Variants in PRPF8 observed in about 807,000 individuals in gnomAD.
PRPF8 encodes pre-mRNA processing factor 8, also known as pre-mRNA-processing-splicing factor 8.
Under a neutral mutation model 285.9 loss-of-function variants are expected in PRPF8, and 64 were observed. The ratio of observed to expected loss-of-function variants is 0.22; its 90% CI spans 0.18 to 0.28. PRPF8 has a LOEUF of 0.28. Ranked by LOEUF, PRPF8 falls within the 10% of genes least tolerant of loss-of-function variation. The pLI is 1.00. For synonymous variants in PRPF8, 1,325 were observed against 1,118.2 expected (o/e 1.18, Z -3.69); for missense variants, 1,426 against 3,026.7 (o/e 0.47, Z 12.41).
In PRPF8 at chr17:1,676,819, G is replaced by C. The variant is rs904610129; in HGVS notation, c.2182-108C>G. On this transcript the variant is annotated intron_variant, in intron 15 of 42. Coordinates refer to ENST00000304992, the MANE Select transcript of PRPF8 (RefSeq NM_006445.4). The surrounding 1 kb of genome is among the most constrained non-coding windows in gnomAD (Gnocchi z 6.3). ...TAAGGAGGATCGCTTGAGCTCAGGA[G>C]CTTGAGGCCAGCCTAAGCAACATGG... 1.3e-6 allele frequency: 2 copies of C among 1,482,446 alleles called. No homozygotes were observed. The highest frequency in any genetic ancestry group is 1.9e-6 in the Non-Finnish European group (2 of 1,070,332). The allele number at this position is 1,482,446 out of a possible 1,614,324, so 91.8% of individuals were successfully genotyped here. A position where few individuals can be genotyped will look rare whatever the true frequency, so the allele number is the denominator to read the frequency against.
rs1030804537 is a variant in PRPF8 at position 1,675,493 on chromosome 17, C to T, written c.2872+127G>A. ...CTATGGGCTTTTCCTCAGTTTAACA[C>T]GAACACTACTTCCCTTTACTACCAC... On this transcript the variant is annotated intron_variant, in intron 19 of 42. Transcript: ENST00000304992. The surrounding 1 kb of genome is among the most constrained non-coding windows in gnomAD (Gnocchi z 6.0). 11 of 1,453,604 alleles carry T rather than the reference C, an allele frequency of 7.6e-6. No individual in the cohort carries two copies. The highest frequency in any genetic ancestry group is 4.2e-5 in the African/African-American group (3 of 71,360). The allele number at this position is 1,453,604 out of a possible 1,614,324, so 90.0% of individuals were successfully genotyped here. A position where few individuals can be genotyped will look rare whatever the true frequency, so the allele number is the denominator to read the frequency against.
rs779292402 is a variant in PRPF8, at chr17:1,651,588, T to C, written c.6511-35A>G. Reference sequence around the variant, plus strand: ...AAGAGGAGTACAGAGCTGAATCCCATCCACAGACAGGAATCGCACCAGCTT... The same window carrying C: ...AAGAGGAGTACAGAGCTGAATCCCACCCACAGACAGGAATCGCACCAGCTT... On this transcript the variant is annotated intron_variant, in intron 40 of 42. Coordinates refer to ENST00000304992, the MANE Select transcript of PRPF8 (RefSeq NM_006445.4). The surrounding 1 kb of genome is among the most constrained non-coding windows in gnomAD (Gnocchi z 5.1). 21 of 1,614,050 alleles carry C rather than the reference T, an allele frequency of 1.3e-5. No homozygotes were observed. The South Asian group carries it at 2.3e-4, about 18-fold the overall frequency.
At position 1,650,848 on chromosome 17, in the gene PRPF8, T is replaced by A. The variant is rs774814867; in HGVS notation, c.6962A>T (p.Gln2321Leu). 5 of 1,614,182 alleles carry A rather than the reference T, an allele frequency of 3.1e-6. No individual in the cohort carries two copies. The South Asian group carries it at 3.3e-5, about 11-fold the overall frequency. Residue 2321 changes from glutamine to leucine, a missense_variant, in exon 43 of 43, where the codon CAG becomes CTG. Gln to Leu is a moderately radical substitution (Grantham distance 113, BLOSUM62 -2). Around this residue, in one of 34 missense-constraint regions of PRPF8, gnomAD observed 59 missense variants for 58.6 expected, o/e 1.01. Transcript: ENST00000304992. ...ATCCGCAGAGTAAACCTCCCCCTCC[T>A]GCAGGAGAGCAAAGTTGAGGAAGTG... ...PSHFLNFALL[Q>L]EGEVYSADRE... is the part of the protein sequence containing the mutation.
chr17:1,658,118 C>G lies in PRPF8; in HGVS notation c.5505+135G>C, dbSNP rs1911493516. Reference sequence around the variant, plus strand: ...CTTGGACCTCCCACAGAATACTTCCCAAGGTATTTTGGGGATAAGTTCAAA... The same window carrying G: ...CTTGGACCTCCCACAGAATACTTCCGAAGGTATTTTGGGGATAAGTTCAAA... On this transcript the variant is annotated intron_variant, in intron 34 of 42. Coordinates refer to ENST00000304992, the MANE Select transcript of PRPF8 (RefSeq NM_006445.4). This position sits in a 1 kb window ranked among gnomAD's most constrained non-coding sequence, Gnocchi z 4.1. 9 of 1,339,034 alleles carry G rather than the reference C, an allele frequency of 6.7e-6. No individual in the cohort carries two copies. Among genetic ancestry groups the G allele is most frequent in the Admixed American group, 2.0e-5 (1 of 51,094 alleles). 82.9% of individuals were successfully genotyped at this position (1,339,034 alleles called of 1,614,324 possible).
intron 24 of PRPF8, among the ~76,000 whole-genome samples, chr17:1,666,508 G>A (rs1400237793): frequency 4.7e-5 from 7 of 148,032 alleles, no homozygotes; most frequent in South Asian, 2.1e-4. Context: ...CTGAGACTGC[G>A]ACACTGCACA....
At position 1,681,665 on chromosome 17, in the gene PRPF8, G is replaced by C; in HGVS notation, c.679C>G (p.Arg227Gly). ...ATCATAGGTAGTGTGAACTGCCAGCGCTGGTAAGTGGAGCCATTTACATAC... is the reference window on the plus strand; with the variant it reads ...ATCATAGGTAGTGTGAACTGCCAGCCCTGGTAAGTGGAGCCATTTACATAC... ...RKYVNGSTYQ[R>G]WQFTLPMMST... Residue 227 changes from arginine to glycine, a missense_variant, in exon 6 of 43, where the codon CGC (arginine) becomes GGC (glycine). By Grantham distance (125) the Arg-to-Gly change is moderately radical (BLOSUM62 -2). Transcript: ENST00000304992. The C allele has an allele frequency of 6.2e-7, 1 of 1,614,102 alleles. No individual in the cohort carries two copies. The highest frequency in any genetic ancestry group is 1.1e-5 in the South Asian group (1 of 91,086).
intron 13 of PRPF8, 124 bp from the exon 14 acceptor site, chr17:1,677,818 G>A (rs890815831): frequency 1.6e-5 from 21 of 1,299,034 alleles, no homozygotes; most frequent in African/African-American, 6.0e-5. Context: ...TATGGCAGTA[G>A]AGGGGTAAAA....
rs1410577866 is a variant in PRPF8 at position 1,682,109 on chromosome 17, C to CAT, written c.434+18_434+19dup. The CAT allele has an allele frequency of 6.2e-7, 1 of 1,613,726 alleles. No homozygotes were observed. Among genetic ancestry groups the CAT allele is most frequent in the African/African-American group, 1.3e-5 (1 of 74,900 alleles). On this transcript the variant is annotated intron_variant, in intron 4 of 42. Coordinates refer to ENST00000304992, the MANE Select transcript of PRPF8 (RefSeq NM_006445.4). ...AACCACCACCACCACCACCACCCAC[C>CAT]ATATTTCAGCCTTTCTCACCCCCAC...
chr17:1,655,624 A>T, intron 36 of PRPF8, 81 bp from the exon 37 acceptor site: 1 of 1,344,134 alleles, frequency 7.4e-7, no homozygotes, highest in Non-Finnish European at 1.1e-6. Flanking sequence ...ATGAAACCCA[A>T]GAATTTTTTT....
At chr17:1,683,081 C>T (rs576333877) in intron 3 of PRPF8, 2 of 196,122 alleles carry the variant, frequency 1.0e-5, no homozygotes, top group African/African-American at 2.4e-5. Flanking sequence ...CTACAAGTTC[C>T]GCCTCCCAGG....
In PRPF8 at chr17:1,675,982, G is replaced by A. The variant is rs775431855; in HGVS notation, c.2625C>T (p.His875=). The A allele has an allele frequency of 8.7e-6, 14 of 1,613,894 alleles. No homozygotes were observed. Among genetic ancestry groups the A allele is most frequent in the East Asian group, 2.2e-5 (1 of 44,884 alleles). The change falls in exon 18 of 43, where the codon CAC becomes CAT. Residue 875 remains histidine, a synonymous_variant. Coordinates refer to ENST00000304992, the MANE Select transcript of PRPF8 (RefSeq NM_006445.4). This position sits in a 1 kb window ranked among gnomAD's most constrained non-coding sequence, Gnocchi z 6.0. ...GACGCTTGATGCGGGACAGCGCCTC[G>A]TGGGGGTTATCGTAGGCCTGCTCGA... is the stretch of plus-strand genomic sequence containing the variant. ...GLIEQAYDNP[H]EALSRIKRHL... is the part of the protein sequence containing the mutation.
intron 24 of PRPF8, chr17:1,672,865 A>G (rs1270717085): frequency 1.6e-6 from 1 of 612,392 alleles, no homozygotes; most frequent in African/African-American, 1.8e-5. Flanking sequence ...TCACAAGTCC[A>G]CAAGAAGGAG....
chr17:1,652,441 G>A (rs1396385316), intron 39 of PRPF8, among the ~76,000 whole-genome samples: 3 of 152,150 alleles, frequency 2.0e-5, no homozygotes, highest in Non-Finnish European at 4.4e-5. Flanking sequence ...GTTTCGCCAC[G>A]TTGGCCAAGC....
In PRPF8 at chr17:1,660,513, C is replaced by T. The variant is rs759124996; in HGVS notation, c.4704G>A (p.Thr1568=). 1.2e-5 allele frequency: 20 copies of T among 1,614,074 alleles called. No homozygotes were observed. Among genetic ancestry groups the T allele is most frequent in the South Asian group, 9.9e-5 (9 of 91,088 alleles). Reference sequence around the variant, plus strand: ...AGATCTGGATGAGAGAGATCTTCAGCGTGGGGATCTTGCCGTGCATGAAGA... The same window carrying T: ...AGATCTGGATGAGAGAGATCTTCAGTGTGGGGATCTTGCCGTGCATGAAGA... ...TGIFMHGKIP[T]LKISLIQIFR... The change falls in exon 30 of 43, where the codon ACG becomes ACA. Residue 1568 remains threonine, a synonymous_variant. Coordinates refer to ENST00000304992, the MANE Select transcript of PRPF8 (RefSeq NM_006445.4).
chr17:1,670,567 A>G (rs1167468560), intron 24 of PRPF8, among the ~76,000 whole-genome samples: 1 of 151,198 alleles, frequency 6.6e-6, no homozygotes, highest in African/African-American at 2.4e-5. Context: ...GCTCACTGCA[A>G]CCTCCGCCTC....
chr17:1,651,536 A>G lies in PRPF8; in HGVS notation c.6528T>C (p.Gly2176=). The change falls in exon 41 of 43, where the codon GGT becomes GGC. Residue 2176 remains glycine, a synonymous_variant. Coordinates refer to ENST00000304992, the MANE Select transcript of PRPF8 (RefSeq NM_006445.4). This position sits in a 1 kb window ranked among gnomAD's most constrained non-coding sequence, Gnocchi z 5.1. ...HEYLKEMEPL[G]WIHTQPNESP... is the part of the protein sequence containing the mutation. ...ACTCATTGGGCTGAGTGTGGATCCA[A>G]CCTAAGGGTTCCATCTCCTATAGGT... The G allele has an allele frequency of 6.2e-7, 1 of 1,614,016 alleles. No homozygotes were observed. Among genetic ancestry groups the G allele is most frequent in the Non-Finnish European group, 8.5e-7 (1 of 1,179,996 alleles).
At position 1,674,430 on chromosome 17, in the gene PRPF8, G is replaced by A. The variant is rs1440999065; in HGVS notation, c.3299+12C>T. On this transcript the variant is annotated intron_variant, in intron 21 of 42. Coordinates refer to ENST00000304992, the MANE Select transcript of PRPF8 (RefSeq NM_006445.4). ...GTACCCTGCAAGGCTAGGAATCCAG[G>A]AAAGCCCTCACCTGAAAAAAATATG... 2 of 1,612,926 alleles carry A rather than the reference G, an allele frequency of 1.2e-6. No homozygotes were observed. Among genetic ancestry groups the A allele is most frequent in the East Asian group, 2.2e-5 (1 of 44,886 alleles).
chr17:1,654,216 A>G (rs1911229633), intron 37 of PRPF8, 200 bp from the exon 38 acceptor site: 2 of 739,346 alleles, frequency 2.7e-6, no homozygotes, highest in Non-Finnish European at 4.7e-6. Context: ...GGGACAGCAC[A>G]CTGCGTGTGC....
In PRPF8 at chr17:1,684,464, C is replaced by A. The variant is rs778160043; in HGVS notation, c.100+8G>T. ...CGGCCCGCGCGCCGCTCCACACTCT[C>A]GCCTCACCTTTCTCCTGCAGCTTCT... On this transcript the variant is annotated splice_region_variant and intron_variant, in intron 2 of 42. Coordinates refer to ENST00000304992, the MANE Select transcript of PRPF8 (RefSeq NM_006445.4). 8 of 1,612,570 alleles carry A rather than the reference C, an allele frequency of 5.0e-6. No homozygotes were observed. Among genetic ancestry groups the A allele is most frequent in the Middle Eastern group, 1.7e-4 (1 of 6,052 alleles).
Sources: gnomAD v4.1 joint callset for allele counts (sites outside exome capture counted in the v4.1 genomes callset) on GRCh38, gnomAD v4.1.1 for gene constraint, gnomAD v4.1.1 regional missense constraint, Gnocchi (gnomAD v3.1) non-coding constraint, MANE v1.5 for transcripts, NCBI Gene and HGNC (gene_info 2026-07-23, HGNC 2026-07-21) for gene names.